RGS6: variants seen among roughly 807,000 people sequenced by gnomAD.
The protein encoded by RGS6 is regulator of G-protein signaling 6.
In RGS6, 30 loss-of-function variants were observed where a neutral mutation model predicts 78.5. The observed-to-expected ratio is 0.38, with a 90% CI of 0.29 to 0.52. The LOEUF (loss-of-function observed/expected upper bound fraction) is 0.52, where lower values mean the gene tolerates loss of function less well. RGS6 is among the 20% of genes least tolerant of loss of function. The pLI is 0.85. For synonymous variants in RGS6, 206 were observed against 206.0 expected (o/e 1.00, Z 0.00); for missense variants, 495 against 609.7 (o/e 0.81, Z 1.98).
intron 3 of RGS6, among the ~76,000 whole-genome samples, chr14:72,364,663 G>A (rs1352887891): frequency 6.6e-6 from 1 of 152,226 alleles, no homozygotes; most frequent in African/African-American, 2.4e-5. Flanking sequence ...TATAAGGCTG[G>A]TTAATCAGCA....
At chr14:72,593,743 A>G in the RGS6 span, among the ~76,000 whole-genome samples, 1 of 152,202 alleles carries the variant, frequency 6.6e-6, no homozygotes, top group Non-Finnish European at 1.5e-5. Flanking sequence ...TATCTAGAAG[A>G]CAGAAATCCA....
At chr14:71,962,529 G>A (rs1345730038) in intron 1 of RGS6, among the ~76,000 whole-genome samples, 1 of 152,146 alleles carries the variant, frequency 6.6e-6, no homozygotes, top group Non-Finnish European at 1.5e-5. Flanking sequence ...AAAGGAGTAG[G>A]CAACTAAGTA....
chr14:72,417,461 G>T (rs2093898477), intron 3 of RGS6, among the ~76,000 whole-genome samples: 1 of 152,228 alleles, frequency 6.6e-6, no homozygotes, highest in African/African-American at 2.4e-5. Flanking sequence ...TAAAAAGCCA[G>T]GCTGAAGATT....
the RGS6 span, among the ~76,000 whole-genome samples, chr14:72,597,019 A>G: frequency 6.6e-6 from 1 of 152,184 alleles, no homozygotes; most frequent in Admixed American, 6.5e-5. Flanking sequence ...TAGGTAGATA[A>G]CTGGAGGTCA....
At chr14:72,256,046 T>TGCACA (rs2057009056) in intron 2 of RGS6, among the ~76,000 whole-genome samples, 2 of 152,224 alleles carry the variant, frequency 1.3e-5, no homozygotes, top group Non-Finnish European at 2.9e-5. Flanking sequence ...TCTTGCCTGC[T>TGCACA]GCACAGACAG....
chr14:72,501,953 C>G (rs1282254871), intron 13 of RGS6, among the ~76,000 whole-genome samples: 1 of 152,208 alleles, frequency 6.6e-6, no homozygotes, highest in Admixed American at 6.5e-5. Context: ...GAATATTAGT[C>G]AAGCTCCTTT....
chr14:72,226,306 T>G (rs1377651213), intron 2 of RGS6, among the ~76,000 whole-genome samples: 1 of 152,246 alleles, frequency 6.6e-6, no homozygotes, highest in Non-Finnish European at 1.5e-5. Flanking sequence ...AGCATTTTAA[T>G]TGGTATGTTC....
the RGS6 span, among the ~76,000 whole-genome samples, chr14:72,613,023 T>TGTGTGTGC: frequency 2.8e-4 from 43 of 152,068 alleles, no homozygotes; most frequent in African/African-American, 9.9e-4. Context: ...TGTGTGTGTG[T>TGTGTGTGC]GTGTGTGTAT....
At chr14:72,288,180 A>C (rs2152307013) in intron 2 of RGS6, among the ~76,000 whole-genome samples, 1 of 152,334 alleles carries the variant, frequency 6.6e-6, no homozygotes, top group East Asian at 1.9e-4. Context: ...GTTTTAAAAA[A>C]ATATTTGGTA....
At chr14:72,101,462 G>A (rs2095526209) in intron 2 of RGS6, among the ~76,000 whole-genome samples, 1 of 152,190 alleles carries the variant, frequency 6.6e-6, no homozygotes, top group Non-Finnish European at 1.5e-5. Flanking sequence ...AATGTTTTAT[G>A]ATTCTGAGCA....
At position 72,408,164 on chromosome 14, in the gene RGS6, G is replaced by A. The variant is rs141254668; in HGVS notation, c.185-46364G>A. ...AAGAGTCCTTTTCTGTTGTTACAGC[G>A]TAGTTGGCAAAGCTGTATCTTCTGA... On this transcript the variant is annotated intron_variant, in intron 3 of 17. Transcript: ENST00000553525. Among the ~76,000 whole-genome samples, 1,284 of 152,254 alleles carry A rather than the reference G, an allele frequency of 8.4e-3. 7 individuals carry two copies. The highest frequency in any genetic ancestry group is 0.014 in the African/African-American group (598 of 41,552).
At chr14:72,393,920 T>C (rs1379687501) in intron 3 of RGS6, among the ~76,000 whole-genome samples, 1 of 152,182 alleles carries the variant, frequency 6.6e-6, no homozygotes, top group Admixed American at 6.5e-5. Flanking sequence ...AAAATGGAGT[T>C]GTCTTCTGGC....
At chr14:72,468,163 G>A (rs888041472) in intron 7 of RGS6, among the ~76,000 whole-genome samples, 2 of 152,102 alleles carry the variant, frequency 1.3e-5, no homozygotes, top group African/African-American at 2.4e-5. Context: ...GGCAGATCAC[G>A]AGGTCAGGAG....
chr14:72,148,247 A>G (rs904113776), intron 2 of RGS6, among the ~76,000 whole-genome samples: 8 of 152,056 alleles, frequency 5.3e-5, no homozygotes, highest in East Asian at 3.9e-4. Flanking sequence ...ATAGAAAAAA[A>G]TTATTTGGGT....
At chr14:72,360,212 AT>A (rs1566623181) in intron 3 of RGS6, among the ~76,000 whole-genome samples, 1 of 152,134 alleles carries the variant, frequency 6.6e-6, no homozygotes, top group Non-Finnish European at 1.5e-5. Context: ...AACACATACA[AT>A]TTATTCATAG....
chr14:72,624,333 C>CTTTTTTTTTTTT, the RGS6 span, among the ~76,000 whole-genome samples: 112 of 97,796 alleles, frequency 1.1e-3, 2 homozygotes, highest in African/African-American at 2.6e-3. Context: ...ACCTATGTCT[C>CTTTTTTTTTTTT]TTTTTTTTTT....
intron 2 of RGS6, among the ~76,000 whole-genome samples, chr14:72,097,049 C>T (rs1191335256): frequency 6.6e-6 from 1 of 152,188 alleles, no homozygotes; most frequent in Non-Finnish European, 1.5e-5. Flanking sequence ...CCTCGAGTGT[C>T]CTTTTCATGC....
At chr14:72,276,782 T>C (rs1161445336) in intron 2 of RGS6, among the ~76,000 whole-genome samples, 2 of 152,108 alleles carry the variant, frequency 1.3e-5, no homozygotes, top group Non-Finnish European at 2.9e-5. Context: ...GAACTGTGAG[T>C]CAATCAAAAC....
chr14:72,019,498 G>A (rs1287544302), intron 2 of RGS6, among the ~76,000 whole-genome samples: 2 of 152,182 alleles, frequency 1.3e-5, no homozygotes, highest in Admixed American at 6.5e-5. Context: ...TGCACCATTA[G>A]CACTTCCTTC....
Sources: allele counts gnomAD v4.1 joint callset (sites outside exome capture counted in the v4.1 genomes callset), GRCh38; gene constraint gnomAD v4.1.1; transcripts MANE v1.5; gene names NCBI Gene and HGNC (gene_info 2026-07-23, HGNC 2026-07-21).